Variants in PATJ observed in about 807,000 individuals in gnomAD.
The protein encoded by PATJ is PATJ crumbs cell polarity complex component, also known as inaD-like protein.
In PATJ, 190 loss-of-function variants were observed where a neutral mutation model predicts 224.9. The ratio of observed to expected loss-of-function variants is 0.84; its 90% confidence interval spans 0.75 to 0.95. PATJ has a LOEUF of 0.95. Among genes scored for constraint, PATJ ranks in the 40% least tolerant of loss-of-function variants. The pLI is 0.00. For missense variants in PATJ, 2,121 were observed against 2,270.3 expected (o/e 0.93, Z 1.34); for synonymous variants, 769 against 820.3 (o/e 0.94, Z 1.07).
At chr1:62,073,096 G>A (rs2148696952) in intron 31 of PATJ, 1 of 985,326 alleles carries the variant, frequency 1.0e-6, no homozygotes, top group African/African-American at 1.7e-5. Context: ...ACCTGACAAT[G>A]TACATAACTT....
chr1:62,158,396 G>C (rs556761553), intron 43 of PATJ, among the ~76,000 whole-genome samples: 5 of 148,684 alleles, frequency 3.4e-5, no homozygotes, highest in East Asian at 3.9e-4. Context: ...ACTTTGGGAG[G>C]CTGAGGCAGG....
In PATJ at chr1:61,796,494, A is replaced by G. The variant is rs956389660; in HGVS notation, c.1261-793A>G. 2.6e-5 allele frequency among the ~76,000 whole-genome samples: 4 copies of G among 152,114 alleles called. No individual in the cohort carries two copies. The East Asian group carries it at 5.8e-4, about 22-fold the overall frequency. On this transcript the variant is annotated intron_variant, in intron 10 of 43. Transcript: ENST00000642238. ...GTAATAACTGGCCATCTTTTATGGC[A>G]TTTTGAATTTTGAATTGCATCAGAG...
chr1:62,153,950 C>T (rs1409765468), intron 43 of PATJ, among the ~76,000 whole-genome samples: 2 of 152,204 alleles, frequency 1.3e-5, no homozygotes, highest in African/African-American at 4.8e-5. Context: ...GTCGCCCAGG[C>T]TGGAGTGCAA....
rs756352273 is a variant in PATJ at position 62,114,128 on chromosome 1, C to T, written c.4537C>T (p.Arg1513Trp). The T allele has an allele frequency of 5.0e-6, 8 of 1,613,996 alleles. No individual in the cohort carries two copies. The highest frequency in any genetic ancestry group is 1.7e-5 in the Admixed American group (1 of 60,004). ...TALRQTPQKV[R>W]LVVYRDEAHY... ...CCTGAGGCAGACCCCCCAGAAGGTG[C>T]GGCTGGTGGTGTATAGAGATGAGGC... Residue 1513 changes from arginine (R) to tryptophan (W), a missense_variant, in exon 35 of 44, where the codon CGG becomes TGG. Physicochemically the swap from Arg to Trp is moderately radical, Grantham distance 101. Coordinates refer to ENST00000642238, the MANE Select transcript of PATJ (RefSeq NM_001350145.3).
At chr1:61,822,896 C>T (rs372124584) in intron 14 of PATJ, 49 bp from the exon 15 acceptor site, 1 of 1,606,704 alleles carries the variant, frequency 6.2e-7, no homozygotes, top group African/African-American at 1.3e-5. Context: ...GGATGAATAG[C>T]CGGATGTGTC....
intron 34 of PATJ, among the ~76,000 whole-genome samples, 158 bp downstream of exon 34, chr1:62,108,678 C>T (rs1311041739): frequency 2.6e-5 from 4 of 152,106 alleles, no homozygotes; most frequent in Admixed American, 1.3e-4. Context: ...GTACATTATA[C>T]AGTGGTTTAG....
chr1:62,045,359 A>G (rs1328022420), intron 30 of PATJ, among the ~76,000 whole-genome samples: 2 of 151,936 alleles, frequency 1.3e-5, no homozygotes, highest in African/African-American at 2.4e-5. Context: ...GAAGAAAATT[A>G]TAGACAAATG....
chr1:61,951,268 GT>G (rs1025500135), intron 27 of PATJ, among the ~76,000 whole-genome samples: 4 of 151,236 alleles, frequency 2.6e-5, no homozygotes, highest in Admixed American at 6.6e-5. Flanking sequence ...GCTTTTTATT[GT>G]TTTTTTTATT....
At chr1:62,144,777 A>AAAAAATATATATATATATATATATATAT (rs377489788) in intron 41 of PATJ, among the ~76,000 whole-genome samples, 1 of 119,102 alleles carries the variant, frequency 8.4e-6, no homozygotes. Flanking sequence ...AAAAAAAAAA[A>AAAAAATATATATATATATATATATATAT]ATATATATAT....
At chr1:62,079,117 C>T (rs1195689343) in intron 31 of PATJ, among the ~76,000 whole-genome samples, 1 of 152,156 alleles carries the variant, frequency 6.6e-6, no homozygotes, top group Non-Finnish European at 1.5e-5. Context: ...TTGCTGATTT[C>T]ATCAGAATGA....
intron 27 of PATJ, among the ~76,000 whole-genome samples, chr1:61,981,573 T>A (rs1482613807): frequency 1.3e-5 from 2 of 151,850 alleles, no homozygotes; most frequent in African/African-American, 4.9e-5. Context: ...AAAACTGTGT[T>A]TTTATGGACA....
At chr1:61,812,423 A>AGTGT (rs1655018114) in intron 14 of PATJ, among the ~76,000 whole-genome samples, 1 of 114,320 alleles carries the variant, frequency 8.7e-6, no homozygotes, top group African/African-American at 3.3e-5. Flanking sequence ...AGAGAGAGAG[A>AGTGT]GAGAGAGAGA....
intron 39 of PATJ, among the ~76,000 whole-genome samples, 170 bp from the exon 40 acceptor site, chr1:62,127,801 GA>G (rs960084107): frequency 8.7e-5 from 13 of 149,450 alleles, no homozygotes; most frequent in African/African-American, 2.7e-4. Flanking sequence ...GAGCGAAACT[GA>G]AAAAAAAAGA....
At chr1:61,829,524 A>C (rs1370483964) in intron 16 of PATJ, among the ~76,000 whole-genome samples, 1 of 152,220 alleles carries the variant, frequency 6.6e-6, no homozygotes, top group Non-Finnish European at 1.5e-5. Context: ...AACAGCTTTG[A>C]ATCATGCTAA....
chr1:61,781,021 A>G (rs189184698), intron 7 of PATJ, among the ~76,000 whole-genome samples: 44 of 152,316 alleles, frequency 2.9e-4, no homozygotes, highest in African/African-American at 9.6e-4. Context: ...TTCTCATGTA[A>G]CCTTCAAAAT....
At chr1:62,151,327 G>A (rs1328857038) in intron 42 of PATJ, among the ~76,000 whole-genome samples, 1 of 152,172 alleles carries the variant, frequency 6.6e-6, no homozygotes, top group East Asian at 1.9e-4. Flanking sequence ...GGTGGCTCAC[G>A]CCTGTAATCC....
At chr1:62,065,267 C>T (rs1480828989) in intron 31 of PATJ, among the ~76,000 whole-genome samples, 1 of 152,038 alleles carries the variant, frequency 6.6e-6, no homozygotes, top group Admixed American at 6.6e-5. Flanking sequence ...AGCAAGTAAC[C>T]TCATGAACTC....
At chr1:61,838,521 A>ATTTTTTTTTTTT (rs34877280) in intron 17 of PATJ, among the ~76,000 whole-genome samples, 43 of 115,524 alleles carry the variant, frequency 3.7e-4, no homozygotes, top group African/African-American at 5.8e-4. Flanking sequence ...CGCCTGGCTA[A>ATTTTTTTTTTTT]TTTTTTTTTT....
intron 9 of PATJ, among the ~76,000 whole-genome samples, chr1:61,792,613 C>T (rs1247026761): frequency 6.6e-6 from 1 of 151,994 alleles, no homozygotes; most frequent in African/African-American, 2.4e-5. Flanking sequence ...TCACTGCAAC[C>T]TCCGCCTCCC....
Sources: allele counts gnomAD v4.1 joint callset (sites outside exome capture counted in the v4.1 genomes callset), GRCh38; gene constraint gnomAD v4.1.1; transcripts MANE v1.5; gene names NCBI Gene and HGNC (gene_info 2026-07-23, HGNC 2026-07-21).